Variants in CPZ observed in about 807,000 individuals in gnomAD.
CPZ encodes the protein carboxypeptidase Z.
In CPZ, 103 loss-of-function variants were observed where a neutral mutation model predicts 61.8. The observed-to-expected ratio is 1.67, with a 90% confidence interval of 1.42 to 1.96. The LOEUF (loss-of-function observed/expected upper bound fraction) is 1.96. Ranked by LOEUF, CPZ falls within the 30% of genes most tolerant of loss-of-function variation. The probability of loss-of-function intolerance (pLI) is 0.00; values close to 1 mark genes in which losing one functional copy is unlikely to be tolerated. For synonymous variants in CPZ, 551 were observed against 373.7 expected (o/e 1.47, Z -5.47); for missense variants, 1,461 against 914.9 (o/e 1.60, Z -7.70).
chr4:8,602,742 G>A (rs1303773509), intron 3 of CPZ: 1 of 152,446 alleles, frequency 6.6e-6, no homozygotes, highest in Non-Finnish European at 1.5e-5. Context: ...GGACATTGAG[G>A]AGGGCAGGAG....
chr4:8,619,309 G>A lies in CPZ; in HGVS notation c.1651G>A (p.Val551Ile). Reference protein sequence around the residue: ...WRLLPPGIHIVIAQAPGYAKV... With the variant: ...WRLLPPGIHIIIAQAPGYAKV... ...ACTGCTGCCCCCAGGTATCCACATT[G>A]TCATTGCCCAAGCCCCTGGCTACGC... Residue 551 changes from valine to isoleucine, a missense_variant, in exon 11 of 11, where the codon GTC becomes ATC. By Grantham distance (29) the Val-to-Ile change is conservative. Coordinates refer to ENST00000360986, the MANE Select transcript of CPZ (RefSeq NM_001014447.3). 1 of 1,613,884 alleles carries A rather than the reference G, an allele frequency of 6.2e-7. No individual in the cohort carries two copies. Among genetic ancestry groups the A allele is most frequent in the Non-Finnish European group, 8.5e-7 (1 of 1,179,924 alleles).
At chr4:8,605,934 C>G (rs1185181871) in intron 4 of CPZ, 55 bp from the exon 5 acceptor site, 1 of 1,570,598 alleles carries the variant, frequency 6.4e-7, no homozygotes, top group African/African-American at 1.3e-5. Context: ...GGCCTCATGC[C>G]TTTGGGGACC....
At position 8,619,540 on chromosome 4, in the gene CPZ, G is replaced by A. The variant is rs751803458; in HGVS notation, c.1882G>A (p.Asp628Asn). 6.4e-6 allele frequency: 10 copies of A among 1,573,922 alleles called. No individual in the cohort carries two copies. The highest frequency in any genetic ancestry group is 3.6e-5 in the South Asian group (3 of 84,088). ...PLRARRQPSADGSKPWWWSYF... is the reference protein window; with the variant it reads ...PLRARRQPSANGSKPWWWSYF... ...CCGGGCGCGCAGGCAGCCCTCGGCC[G>A]ACGGGAGTAAGCCCTGGTGGTGGTC... The change falls in exon 11 of 11, where the codon GAC (aspartate) becomes AAC (asparagine). Residue 628 changes from aspartate (D) to asparagine (N), a missense_variant. Asp to Asn is a conservative substitution (Grantham distance 23). Transcript: ENST00000360986.
intron 7 of CPZ, 27 bp from the exon 8 acceptor site, chr4:8,612,000 C>G (rs1199072143): frequency 6.2e-7 from 1 of 1,613,634 alleles, no homozygotes; most frequent in South Asian, 1.1e-5. Context: ...GGACCCTTTC[C>G]TTATCTGAGC....
rs544789422 is a variant in CPZ, at chr4:8,599,542, C to G, written c.121+57C>G. The G allele has an allele frequency of 9.3e-6, 15 of 1,605,586 alleles. No homozygotes were observed. In the African/African-American group the frequency reaches 1.3e-4, roughly 14 times the overall value. ...CTGTAGGAGGGCTGCAGCCCCCACACTGTCAGAGCACTTTAGGCAGCTGAA... is the reference window on the plus strand; with the variant it reads ...CTGTAGGAGGGCTGCAGCCCCCACAGTGTCAGAGCACTTTAGGCAGCTGAA... On this transcript the variant is annotated intron_variant, in intron 2 of 10. Transcript: ENST00000360986.
At chr4:8,604,631 G>A (rs1467192941) in intron 4 of CPZ, among the ~76,000 whole-genome samples, 1 of 152,158 alleles carries the variant, frequency 6.6e-6, no homozygotes, top group African/African-American at 2.4e-5. Context: ...CCAGGCATGG[G>A]CCACCACACC....
At position 8,612,082 on chromosome 4, in the gene CPZ, G is replaced by A; in HGVS notation, c.1283G>A (p.Arg428Lys). 2 of 1,613,734 alleles carry A rather than the reference G, an allele frequency of 1.2e-6. No homozygotes were observed. Among genetic ancestry groups the A allele is most frequent in the Non-Finnish European group, 8.5e-7 (1 of 1,179,918 alleles). ...GACGTCCACCCCATGATGATGGACAGGTCGGAGAATAGGTGTGGAGGCAAT... is the reference window on the plus strand; with the variant it reads ...GACGTCCACCCCATGATGATGGACAAGTCGGAGAATAGGTGTGGAGGCAAT... Reference protein sequence around the residue: ...YADVHPMMMDRSENRCGGNFL... With the variant: ...YADVHPMMMDKSENRCGGNFL... The change falls in exon 8 of 11, where the codon AGG (arginine) becomes AAG (lysine). Residue 428 changes from arginine (R) to lysine (K), a missense_variant. Coordinates refer to ENST00000360986, the MANE Select transcript of CPZ (RefSeq NM_001014447.3).
At chr4:8,606,324 C>T (rs1012159152) in intron 5 of CPZ, 139 bp downstream of exon 5, 1 of 834,114 alleles carries the variant, frequency 1.2e-6, no homozygotes, top group Non-Finnish European at 1.8e-6. Context: ...TCGATACTGG[C>T]AAACCCCTGC....
chr4:8,614,110 G>A (rs1039017044), intron 8 of CPZ, among the ~76,000 whole-genome samples: 3 of 152,238 alleles, frequency 2.0e-5, no homozygotes, highest in African/African-American at 7.2e-5. Context: ...CTGCGGATCT[G>A]CAAAGTGGGG....
chr4:8,597,189 G>T (rs1252226770), intron 1 of CPZ, among the ~76,000 whole-genome samples: 5 of 152,296 alleles, frequency 3.3e-5, no homozygotes, highest in African/African-American at 9.6e-5. Context: ...CTGGTGGCCA[G>T]CTTTGCACAC....
intron 9 of CPZ, among the ~76,000 whole-genome samples, chr4:8,617,170 G>T (rs1000644417): frequency 1.3e-5 from 2 of 152,216 alleles, no homozygotes; most frequent in Admixed American, 1.3e-4. Context: ...CATCGGTCAC[G>T]GCGGGGGTCA....
chr4:8,616,080 T>C (rs552994688), intron 9 of CPZ, among the ~76,000 whole-genome samples: 2 of 152,266 alleles, frequency 1.3e-5, no homozygotes, highest in African/African-American at 4.8e-5. Context: ...ATATTACACA[T>C]GAAGTCTTGG....
chr4:8,614,323 G>T (rs754049054), intron 8 of CPZ, 36 bp from the exon 9 acceptor site: 1 of 1,598,592 alleles, frequency 6.3e-7, no homozygotes, highest in Non-Finnish European at 8.5e-7. Context: ...CTGTGCGGCT[G>T]ACACCCCTGA....
chr4:8,613,407 G>C (rs145560609), intron 8 of CPZ, among the ~76,000 whole-genome samples: 219 of 152,328 alleles, frequency 1.4e-3, no homozygotes, highest in African/African-American at 5.0e-3. Context: ...TGGGATTATA[G>C]GCGTGAGCCA....
At chr4:8,616,356 C>T (rs748218430) in intron 9 of CPZ, among the ~76,000 whole-genome samples, 6 of 152,090 alleles carry the variant, frequency 3.9e-5, no homozygotes, top group Admixed American at 6.5e-5. Context: ...GAAGGTGACC[C>T]GTGGGCCCAA....
intron 1 of CPZ, 33 bp from the exon 2 acceptor site, chr4:8,599,420 A>T: frequency 1.3e-6 from 2 of 1,578,790 alleles, no homozygotes; most frequent in Non-Finnish European, 1.7e-6. Flanking sequence ...ATGGCGAGGC[A>T]GGTCCCTAAC....
At chr4:8,596,001 G>T (rs533542498) in intron 1 of CPZ, among the ~76,000 whole-genome samples, 33 of 140,278 alleles carry the variant, frequency 2.4e-4, no homozygotes, top group African/African-American at 8.9e-4. Flanking sequence ...CAGGGAGTGC[G>T]GCCCTGCAGA....
At chr4:8,618,129 G>A (rs1000095056) in intron 9 of CPZ, 102 of 384,332 alleles carry the variant, frequency 2.7e-4, no homozygotes, top group Non-Finnish European at 3.9e-4. Flanking sequence ...AAGAGTGGCA[G>A]GAAAGGGTTC....
chr4:8,619,407 TC>T lies in CPZ; in HGVS notation c.1750del (p.Leu584TrpfsTer58). The T allele has an allele frequency of 8.7e-6, 14 of 1,614,128 alleles. No individual in the cohort carries two copies. Among genetic ancestry groups the T allele is most frequent in the Non-Finnish European group, 1.2e-5 (14 of 1,180,010 alleles). On this transcript the variant is annotated frameshift_variant, in exon 11 of 11. Transcript: ENST00000360986. LOFTEE classifies it low-confidence loss of function (END_TRUNC). ...AGRVDFILQP[L>X]GMGPKNFIHG... ...GCCGTGTGGACTTCATTCTGCAACC[TC>T]TGGGGATGGGACCCAAGAACTTTAT...
Sources: gnomAD v4.1 joint callset for allele counts (sites outside exome capture counted in the v4.1 genomes callset) on GRCh38, gnomAD v4.1.1 for gene constraint, MANE v1.5 for transcripts, NCBI Gene and HGNC (gene_info 2026-07-23, HGNC 2026-07-21) for gene names.